NRAP: variants seen among roughly 807,000 people sequenced by gnomAD.
The protein encoded by NRAP is nebulin related anchoring protein, also known as nebulin-related-anchoring protein.
NRAP carries 189 observed loss-of-function variants against 225.9 expected under a neutral mutation model. The ratio of observed to expected loss-of-function variants is 0.84; its 90% CI spans 0.74 to 0.94. NRAP has a LOEUF of 0.94. Ranked by LOEUF, NRAP falls within the 40% of genes least tolerant of loss-of-function variation. The pLI, the probability that NRAP is intolerant of heterozygous loss-of-function variation, is 0.00. For missense variants in NRAP, 2,176 were observed against 2,168.7 expected, an observed-to-expected ratio of 1.00 and a Z score of -0.07; for synonymous variants, 769 against 790.7, an observed-to-expected ratio of 0.97 and a Z score of 0.46.
chr10:113,621,751 A>G (rs1013910657), intron 24 of NRAP, 118 bp downstream of exon 24: 59 of 923,090 alleles, frequency 6.4e-5, no homozygotes, highest in Admixed American at 2.7e-4. Context: ...TTAGGGATCC[A>G]GAAACAGGTG....
chr10:113,595,534 CTT>C, intron 38 of NRAP, 87 bp downstream of exon 38: 2 of 723,510 alleles, frequency 2.8e-6, no homozygotes, highest in Admixed American at 2.2e-5. Context: ...CTTCCTAGAA[CTT>C]TTTTTTTTAA....
intron 4 of NRAP, among the ~76,000 whole-genome samples, chr10:113,655,805 A>C (rs1055285906): frequency 8.5e-5 from 13 of 152,200 alleles, no homozygotes; most frequent in African/African-American, 3.1e-4. Context: ...GATAGCTTAA[A>C]AGGATGCTGA....
intron 1 of NRAP, 45 bp from the exon 2 acceptor site, chr10:113,663,491 C>A (rs1179127846): frequency 8.4e-7 from 1 of 1,185,732 alleles, no homozygotes; most frequent in Non-Finnish European, 1.3e-6. Flanking sequence ...CTTTTCCCCC[C>A]AGACTCAAGG....
At chr10:113,641,693 C>T (rs1278847447) in intron 12 of NRAP, among the ~76,000 whole-genome samples, 1 of 152,100 alleles carries the variant, frequency 6.6e-6, no homozygotes, top group Non-Finnish European at 1.5e-5. Context: ...GACAAGGAAA[C>T]ATGGGATCAG....
intron 21 of NRAP, among the ~76,000 whole-genome samples, chr10:113,625,438 T>G (rs567091859): frequency 3.9e-4 from 59 of 152,288 alleles, no homozygotes; most frequent in Admixed American, 6.5e-4. Context: ...TCTCTTTGCT[T>G]CCTCTCCACC....
rs1845741525 is a variant in NRAP at position 113,588,842 on chromosome 10, T to TATTA, written c.*129_*132dup. The TATTA allele has an allele frequency of 8.5e-6, 6 of 703,256 alleles. No individual in the cohort carries two copies. The highest frequency in any genetic ancestry group is 3.5e-5 in the African/African-American group (2 of 56,400). The allele number at this position is 703,256 out of a possible 1,614,324, so 43.6% of individuals were successfully genotyped here. On this transcript the variant is annotated 3_prime_UTR_variant, in exon 42 of 42. Coordinates refer to ENST00000359988, the MANE Select transcript of NRAP (RefSeq NM_198060.4). Reference sequence around the variant, plus strand: ...AACATTCTCCATCTGCTTTCAGAGTTATTATTTTAATAAAGGAAGATCTGG... The same window carrying TATTA: ...AACATTCTCCATCTGCTTTCAGAGTTATTAATTATTTTAATAAAGGAAGATCTGG...
At chr10:113,620,748 G>T (rs1224707905) in intron 24 of NRAP, 40 bp from the exon 25 acceptor site, 11 of 1,413,860 alleles carry the variant, frequency 7.8e-6, no homozygotes, top group Non-Finnish European at 1.1e-5. Flanking sequence ...GCAGGCCATT[G>T]TTGGTGCACA....
rs563808083 is a variant in NRAP, at chr10:113,651,721, T to C, written c.675+82A>G. The C allele has an allele frequency of 4.4e-5, 35 of 790,908 alleles. No individual in the cohort carries two copies. In the African/African-American group the frequency reaches 5.1e-4, roughly 12 times the overall value. The allele number at this position is 790,908 out of a possible 1,614,324, so 49.0% of individuals were successfully genotyped here. ...AAAGATACATGCACGTGTATGTTCA[T>C]TGCAGCACTATTCACAAGAGCAAAG... On this transcript the variant is annotated intron_variant, in intron 7 of 41. Transcript: ENST00000359988.
intron 29 of NRAP, 92 bp from the exon 30 acceptor site, chr10:113,612,523 A>T: frequency 9.9e-7 from 1 of 1,014,834 alleles, no homozygotes; most frequent in Non-Finnish European, 1.5e-6. Context: ...AGTTGTCTGG[A>T]GGTAAGCCCA....
At chr10:113,661,822 C>T (rs1427916493) in intron 3 of NRAP, among the ~76,000 whole-genome samples, 2 of 152,094 alleles carry the variant, frequency 1.3e-5, no homozygotes, top group Non-Finnish European at 2.9e-5. Flanking sequence ...AAACAGGCTG[C>T]CAATAATCAT....
intron 12 of NRAP, 62 bp from the exon 13 acceptor site, chr10:113,641,534 T>C: frequency 1.0e-6 from 1 of 969,900 alleles, no homozygotes; most frequent in East Asian, 2.4e-5. Context: ...GAAGATAAAC[T>C]ACTCATCTTA....
intron 24 of NRAP, 28 bp downstream of exon 24, chr10:113,621,841 C>G: frequency 6.3e-7 from 1 of 1,578,542 alleles, no homozygotes; most frequent in Non-Finnish European, 8.6e-7. Flanking sequence ...CATACACACA[C>G]AAGTGCACAC....
intron 15 of NRAP, among the ~76,000 whole-genome samples, chr10:113,633,399 G>A (rs548073921): frequency 6.6e-6 from 1 of 152,190 alleles, no homozygotes. Context: ...CACACTTGAA[G>A]TTGTGAGTTT....
intron 29 of NRAP, 117 bp from the exon 30 acceptor site, chr10:113,612,548 C>A: frequency 5.1e-6 from 4 of 783,720 alleles, no homozygotes; most frequent in Non-Finnish European, 8.4e-6. Context: ...AAGTTCTTGG[C>A]AGGGCCAGTG....
chr10:113,633,557 A>G (rs1848691168), intron 15 of NRAP, among the ~76,000 whole-genome samples: 1 of 152,168 alleles, frequency 6.6e-6, no homozygotes, highest in Non-Finnish European at 1.5e-5. Context: ...ACAAAAATCC[A>G]TCTTAAATCA....
At chr10:113,607,394 T>G (rs1299843846) in intron 32 of NRAP, among the ~76,000 whole-genome samples, 1 of 54,068 alleles carries the variant, frequency 1.8e-5, no homozygotes, top group Non-Finnish European at 3.4e-5. Context: ...AGAGCGAAAC[T>G]CCGTCAAAAA....
At chr10:113,658,929 C>T (rs1457880329) in intron 3 of NRAP, among the ~76,000 whole-genome samples, 1 of 148,240 alleles carries the variant, frequency 6.7e-6, no homozygotes, top group African/African-American at 2.5e-5. Flanking sequence ...GAAATTTTTA[C>T]AAGCTGAAGT....
At chr10:113,655,720 G>A (rs578104915) in intron 4 of NRAP, among the ~76,000 whole-genome samples, 1 of 152,240 alleles carries the variant, frequency 6.6e-6, no homozygotes, top group Non-Finnish European at 1.5e-5. Flanking sequence ...AAAGTGCTAG[G>A]ATTACAGGTG....
intron 18 of NRAP, among the ~76,000 whole-genome samples, chr10:113,630,392 T>C (rs969519397): frequency 3.8e-4 from 58 of 152,200 alleles, no homozygotes; most frequent in African/African-American, 1.3e-3. Context: ...ATGATGGTGA[T>C]TGATGATGGT....
Sources: gnomAD v4.1 joint callset for allele counts (sites outside exome capture counted in the v4.1 genomes callset) on GRCh38, gnomAD v4.1.1 for gene constraint, MANE v1.5 for transcripts, NCBI Gene and HGNC (gene_info 2026-07-23, HGNC 2026-07-21) for gene names.